The following XKR4 variants were observed in gnomAD, a reference collection of about 807,000 sequenced individuals.
XKR4 encodes XK-related protein 4.
XKR4 carries 12 observed loss-of-function variants against 53.9 expected under a neutral mutation model. The ratio of observed to expected loss-of-function variants is 0.22; its 90% CI spans 0.14 to 0.36. The LOEUF (loss-of-function observed/expected upper bound fraction) is 0.36. Among genes scored for constraint, XKR4 ranks in the 10% least tolerant of loss-of-function variants. The pLI, the probability that XKR4 is intolerant of heterozygous loss-of-function variation, is 1.00. For missense variants in XKR4, 799 were observed against 859.5 expected, an observed-to-expected ratio of 0.93 and a Z score of 0.88; for synonymous variants, 354 against 362.4, an observed-to-expected ratio of 0.98 and a Z score of 0.26.
chr8:55,338,040 G>T (rs1488160399), intron 1 of XKR4, among the ~76,000 whole-genome samples: 1 of 152,136 alleles, frequency 6.6e-6, no homozygotes, highest in Non-Finnish European at 1.5e-5. Flanking sequence ...GGCCAATTTG[G>T]CCTGCCCTGT....
intron 1 of XKR4, among the ~76,000 whole-genome samples, chr8:55,207,436 G>A (rs953172140): frequency 6.6e-6 from 1 of 152,158 alleles, no homozygotes; most frequent in Admixed American, 6.5e-5. Context: ...ACAGGAGATT[G>A]TATCATACTG....
At chr8:55,246,456 T>G (rs1818286599) in intron 1 of XKR4, among the ~76,000 whole-genome samples, 1 of 152,234 alleles carries the variant, frequency 6.6e-6, no homozygotes, top group Non-Finnish European at 1.5e-5. Context: ...CTCATCTATT[T>G]GTGATCACTT....
intron 2 of XKR4, among the ~76,000 whole-genome samples, chr8:55,373,833 G>C (rs952102190): frequency 5.3e-5 from 8 of 151,412 alleles, no homozygotes; most frequent in Middle Eastern, 3.4e-3. Context: ...TTAATGTTTT[G>C]TGAACACAGG....
At chr8:55,162,764 A>G (rs772699342) in intron 1 of XKR4, among the ~76,000 whole-genome samples, 2 of 152,336 alleles carry the variant, frequency 1.3e-5, no homozygotes, top group South Asian at 4.1e-4. Flanking sequence ...CCCTTTCAAT[A>G]TTTAAACTAC....
chr8:55,476,540 G>C (rs1031621339), intron 2 of XKR4, among the ~76,000 whole-genome samples: 1 of 133,888 alleles, frequency 7.5e-6, no homozygotes, highest in Non-Finnish European at 1.6e-5. Flanking sequence ...CATCTCACTA[G>C]GGAGTGCCAG....
chr8:55,340,932 A>C (rs1803535738), intron 1 of XKR4, among the ~76,000 whole-genome samples: 1 of 152,218 alleles, frequency 6.6e-6, no homozygotes, highest in Admixed American at 6.5e-5. Context: ...GCTGGACCTG[A>C]TAATCGACAA....
rs575403399 is a variant in XKR4 at position 55,255,698 on chromosome 8, A to G, written c.807-101980A>G. ...ATTAAACATAAAAGTAAGCCCCTCGAGAAAAACTACACAAATAGGAGACAG... is the reference window on the plus strand; with the variant it reads ...ATTAAACATAAAAGTAAGCCCCTCGGGAAAAACTACACAAATAGGAGACAG... On this transcript the variant is annotated intron_variant, in intron 1 of 2. Coordinates refer to ENST00000327381, the MANE Select transcript of XKR4 (RefSeq NM_052898.2). Among the ~76,000 whole-genome samples the G allele has an allele frequency of 9.2e-5, 14 of 152,340 alleles. No homozygotes were observed. The South Asian group carries it at 2.9e-3, about 32-fold the overall frequency.
At chr8:55,457,614 A>T (rs557615414) in intron 2 of XKR4, among the ~76,000 whole-genome samples, 3 of 152,380 alleles carry the variant, frequency 2.0e-5, no homozygotes, top group Admixed American at 1.3e-4. Context: ...TTAACAAAAT[A>T]TTCCCAGCAG....
intron 1 of XKR4, among the ~76,000 whole-genome samples, chr8:55,126,662 A>T (rs1010451463): frequency 1.3e-5 from 2 of 152,202 alleles, no homozygotes; most frequent in Non-Finnish European, 2.9e-5. Flanking sequence ...TTCCCATCAG[A>T]CTTTCAGTTC....
intron 2 of XKR4, among the ~76,000 whole-genome samples, chr8:55,502,729 T>C (rs997311452): frequency 1.3e-5 from 2 of 152,160 alleles, no homozygotes; most frequent in African/African-American, 2.4e-5. Context: ...TTTGATGAAG[T>C]CCAATTTATT....
At chr8:55,341,715 T>C (rs1249015190) in intron 1 of XKR4, among the ~76,000 whole-genome samples, 1 of 152,182 alleles carries the variant, frequency 6.6e-6, no homozygotes, top group Non-Finnish European at 1.5e-5. Context: ...ACCCCATAGG[T>C]GGACAACAGG....
chr8:55,110,755 T>A (rs1162787980), intron 1 of XKR4, among the ~76,000 whole-genome samples: 1 of 152,212 alleles, frequency 6.6e-6, no homozygotes, highest in African/African-American at 2.4e-5. Flanking sequence ...TTCTTACCTA[T>A]ACTTGACTAT....
intron 1 of XKR4, among the ~76,000 whole-genome samples, chr8:55,186,766 G>A (rs1051581756): frequency 3.9e-5 from 6 of 152,024 alleles, no homozygotes; most frequent in East Asian, 1.9e-4. Context: ...TCCACACTCA[G>A]ATGTGCTTAA....
At chr8:55,242,330 G>T (rs1298265967) in intron 1 of XKR4, among the ~76,000 whole-genome samples, 1 of 152,098 alleles carries the variant, frequency 6.6e-6, no homozygotes, top group Non-Finnish European at 1.5e-5. Flanking sequence ...CAAAGGGTCT[G>T]GTGGGAACCC....
At chr8:55,408,158 A>G (rs1804715366) in intron 2 of XKR4, among the ~76,000 whole-genome samples, 1 of 152,178 alleles carries the variant, frequency 6.6e-6, no homozygotes, top group Non-Finnish European at 1.5e-5. Flanking sequence ...AAGGGATGAG[A>G]GGTTACAGAA....
At chr8:55,482,125 A>G (rs1806118621) in intron 2 of XKR4, among the ~76,000 whole-genome samples, 1 of 152,200 alleles carries the variant, frequency 6.6e-6, no homozygotes, top group African/African-American at 2.4e-5. Flanking sequence ...TATTCACAAT[A>G]GCAAAGACTT....
intron 2 of XKR4, among the ~76,000 whole-genome samples, chr8:55,402,659 A>G (rs1804618485): frequency 6.6e-6 from 1 of 152,214 alleles, no homozygotes; most frequent in Non-Finnish European, 1.5e-5. Context: ...CTGTGAAAAT[A>G]TGGACCAGTG....
At chr8:55,126,343 C>T (rs1350482373) in intron 1 of XKR4, among the ~76,000 whole-genome samples, 2 of 152,186 alleles carry the variant, frequency 1.3e-5, no homozygotes, top group Admixed American at 1.3e-4. Context: ...CTTTGAGCAG[C>T]AGGTCATAGC....
intron 2 of XKR4, among the ~76,000 whole-genome samples, chr8:55,503,177 C>T (rs1806471196): frequency 6.6e-6 from 1 of 151,906 alleles, no homozygotes; most frequent in Non-Finnish European, 1.5e-5. Context: ...TTTCTGGGAC[C>T]TCTGTGATTC....
Sources: allele counts gnomAD v4.1 joint callset (sites outside exome capture counted in the v4.1 genomes callset), GRCh38; gene constraint gnomAD v4.1.1; transcripts MANE v1.5; gene names NCBI Gene and HGNC (gene_info 2026-07-23, HGNC 2026-07-21).